Variants in LMOD1 observed in about 807,000 individuals in gnomAD.
LMOD1 encodes the protein leiomodin-1.
LMOD1 carries 8 observed loss-of-function variants against 36.5 expected under a neutral mutation model. The ratio of observed to expected loss-of-function variants is 0.22; its 90% CI spans 0.13 to 0.40. The LOEUF (loss-of-function observed/expected upper bound fraction) is 0.40, where lower values mean the gene tolerates loss of function less well. Ranked by LOEUF, LMOD1 falls within the 10% of genes least tolerant of loss-of-function variation. LMOD1 has a pLI of 1.00. For synonymous variants in LMOD1, 284 were observed against 288.7 expected, an observed-to-expected ratio of 0.98 and a Z score of 0.17; for missense variants, 630 against 751.1, an observed-to-expected ratio of 0.84 and a Z score of 1.88.
In LMOD1 at chr1:201,899,945, C is replaced by G. The variant is rs1681266985; in HGVS notation, c.1068G>C (p.Glu356Asp). 2.5e-6 allele frequency: 4 copies of G among 1,613,896 alleles called. No individual in the cohort carries two copies. The highest frequency in any genetic ancestry group is 3.4e-6 in the Non-Finnish European group (4 of 1,179,890). ...EILVRFTEAL[E>D]FNTVVKLFAL... ...CGAACAGCTTAACCACAGTGTTGAA[C>G]TCCAGAGCCTCAGTAAACCGGACCA... Residue 356 changes from glutamate (E) to aspartate (D), a missense_variant, in exon 2 of 3, where the codon GAG becomes GAC. This residue lies in a region of LMOD1 where 81 missense variants were observed against 180.6 expected (regional missense o/e 0.45). Coordinates refer to ENST00000367288, the MANE Select transcript of LMOD1 (RefSeq NM_012134.3). The surrounding 1 kb of genome is among the most constrained non-coding windows in gnomAD (Gnocchi z 6.3).
chr1:201,935,620 G>A (rs1239367060), intron 1 of LMOD1, among the ~76,000 whole-genome samples: 1 of 151,842 alleles, frequency 6.6e-6, no homozygotes, highest in Non-Finnish European at 1.5e-5. Context: ...GCAGTGGCAT[G>A]ATCTTGGCTC....
intron 1 of LMOD1, among the ~76,000 whole-genome samples, chr1:201,909,974 A>C (rs1485694181): frequency 6.6e-6 from 1 of 152,244 alleles, no homozygotes; most frequent in Non-Finnish European, 1.5e-5. Context: ...GTCCAGACAC[A>C]GCCCTTCACC....
intron 1 of LMOD1, among the ~76,000 whole-genome samples, chr1:201,937,015 C>A (rs140273948): frequency 6.6e-6 from 1 of 152,164 alleles, no homozygotes; most frequent in Non-Finnish European, 1.5e-5. Context: ...AGTGGTCTCC[C>A]ATTGATATGT....
chr1:201,901,690 G>GTATATA (rs34800729), intron 1 of LMOD1, among the ~76,000 whole-genome samples: 2 of 99,564 alleles, frequency 2.0e-5, no homozygotes, highest in African/African-American at 4.2e-5. Context: ...ATATATATGT[G>GTATATA]TATATATATA....
At chr1:201,934,858 G>A (rs1681989648) in intron 1 of LMOD1, among the ~76,000 whole-genome samples, 1 of 152,186 alleles carries the variant, frequency 6.6e-6, no homozygotes, top group African/African-American at 2.4e-5. Context: ...AAACCACTCT[G>A]AATTTCCTCT....
intron 1 of LMOD1, among the ~76,000 whole-genome samples, chr1:201,929,419 T>C (rs1681882475): frequency 6.6e-6 from 1 of 152,164 alleles, no homozygotes; most frequent in Non-Finnish European, 1.5e-5. Flanking sequence ...CTCAGGTTAC[T>C]ACAGAGCTGG....
At chr1:201,927,599 AAAG>A (rs1454405281) in intron 1 of LMOD1, among the ~76,000 whole-genome samples, 5 of 151,984 alleles carry the variant, frequency 3.3e-5, no homozygotes, top group Non-Finnish European at 7.4e-5. Flanking sequence ...AAAAAAAAAA[AAAG>A]AAGAATTTGT....
At chr1:201,916,581 T>C (rs574200154) in intron 1 of LMOD1, among the ~76,000 whole-genome samples, 7 of 140,770 alleles carry the variant, frequency 5.0e-5, no homozygotes, top group Admixed American at 4.9e-4. Context: ...AGAAACAAAA[T>C]TGTCTTTAAA....
At chr1:201,901,554 A>ATATG (rs1681310901) in intron 1 of LMOD1, among the ~76,000 whole-genome samples, 2 of 29,424 alleles carry the variant, frequency 6.8e-5, no homozygotes, top group East Asian at 1.8e-3. Flanking sequence ...ATATATATAC[A>ATATG]TATATATATG....
At chr1:201,912,265 A>G (rs1681507848) in intron 1 of LMOD1, among the ~76,000 whole-genome samples, 1 of 152,186 alleles carries the variant, frequency 6.6e-6, no homozygotes, top group Admixed American at 6.5e-5. Context: ...CCCTTCGCAC[A>G]GGCATTGCTC....
At chr1:201,926,288 C>CT (rs1424738907) in intron 1 of LMOD1, among the ~76,000 whole-genome samples, 1 of 152,078 alleles carries the variant, frequency 6.6e-6, no homozygotes, top group Non-Finnish European at 1.5e-5. Flanking sequence ...CCCAGTGAGT[C>CT]TTTTTTCTCT....
chr1:201,925,028 C>A (rs950216821), intron 1 of LMOD1, among the ~76,000 whole-genome samples: 1 of 152,128 alleles, frequency 6.6e-6, no homozygotes, highest in African/African-American at 2.4e-5. Context: ...CAGCCATGGC[C>A]GACATAGTGA....
intron 1 of LMOD1, 99 bp from the exon 2 acceptor site, chr1:201,900,850 T>A: frequency 9.5e-7 from 1 of 1,048,650 alleles, no homozygotes; most frequent in East Asian, 2.5e-5. Flanking sequence ...TAACTGCCCT[T>A]GAGCCTCTGA....
chr1:201,916,831 G>C (rs999184952), intron 1 of LMOD1, among the ~76,000 whole-genome samples: 1 of 152,206 alleles, frequency 6.6e-6, no homozygotes, highest in African/African-American at 2.4e-5. Context: ...TGAGCAGAGG[G>C]CCAAAGGGTC....
intron 1 of LMOD1, among the ~76,000 whole-genome samples, chr1:201,933,997 TG>T (rs1165274231): frequency 2.0e-5 from 3 of 152,158 alleles, no homozygotes; most frequent in Non-Finnish European, 4.4e-5. Context: ...CCACGCCAGC[TG>T]TCAGTCATAT....
At chr1:201,926,917 A>C (rs1248343773) in intron 1 of LMOD1, among the ~76,000 whole-genome samples, 1 of 152,132 alleles carries the variant, frequency 6.6e-6, no homozygotes, top group Non-Finnish European at 1.5e-5. Context: ...AGATTGCACC[A>C]CTGCACCCCA....
chr1:201,899,091 G>T lies in LMOD1; in HGVS notation c.1776+146C>A. ...CTGCAGGCAGGAGGATGCATGAGAT[G>T]ACCTGAAGTCCCCTATGGGCCCTGG... On this transcript the variant is annotated intron_variant, in intron 2 of 2. Coordinates refer to ENST00000367288, the MANE Select transcript of LMOD1 (RefSeq NM_012134.3). The surrounding 1 kb of genome is among the most constrained non-coding windows in gnomAD (Gnocchi z 6.3). 1.5e-6 allele frequency: 1 copy of T among 674,460 alleles called. No homozygotes were observed. 41.8% of individuals were successfully genotyped at this position (674,460 alleles called of 1,614,324 possible). A position where few individuals can be genotyped will look rare whatever the true frequency, so the allele number is the denominator to read the frequency against.
At chr1:201,940,417 T>C (rs1231291966) in intron 1 of LMOD1, among the ~76,000 whole-genome samples, 2 of 151,492 alleles carry the variant, frequency 1.3e-5, no homozygotes, top group African/African-American at 4.9e-5. Context: ...GATCTCTTGA[T>C]CTCGTGATCC....
chr1:201,931,180 TAA>T (rs1456925576), intron 1 of LMOD1, among the ~76,000 whole-genome samples: 1 of 152,160 alleles, frequency 6.6e-6, no homozygotes, highest in Non-Finnish European at 1.5e-5. Flanking sequence ...GAAAAGATTC[TAA>T]AAAGTGGGTT....
Sources: allele counts gnomAD v4.1 joint callset (sites outside exome capture counted in the v4.1 genomes callset), GRCh38; gene constraint gnomAD v4.1.1; regional missense constraint gnomAD v4.1.1; non-coding constraint Gnocchi (gnomAD v3.1); transcripts MANE v1.5; gene names NCBI Gene and HGNC (gene_info 2026-07-23, HGNC 2026-07-21).